VAV3: variants seen among roughly 807,000 people sequenced by gnomAD.
VAV3 encodes vav guanine nucleotide exchange factor 3.
A neutral mutation model predicts 131.2 loss-of-function variants in VAV3; 94 were observed. The ratio of observed to expected loss-of-function variants is 0.72; its 90% confidence interval spans 0.61 to 0.85. The LOEUF (loss-of-function observed/expected upper bound fraction) is 0.85. Ranked by LOEUF, VAV3 falls within the 40% of genes least tolerant of loss-of-function variation. VAV3 has a pLI of 0.00. For synonymous variants in VAV3, 349 were observed against 342.0 expected (o/e 1.02, Z -0.22); for missense variants, 939 against 1,002.7 (o/e 0.94, Z 0.86).
intron 20 of VAV3, among the ~76,000 whole-genome samples, chr1:107,620,346 C>T (rs1653472993): frequency 6.6e-6 from 1 of 152,068 alleles, no homozygotes; most frequent in Admixed American, 6.5e-5. Flanking sequence ...GATGGTGCTC[C>T]CATAAGATTA....
At chr1:107,711,987 C>A (rs567946689) in intron 15 of VAV3, among the ~76,000 whole-genome samples, 1 of 152,036 alleles carries the variant, frequency 6.6e-6, no homozygotes, top group African/African-American at 2.4e-5. Flanking sequence ...TGCCCGACAA[C>A]GCATTCAATA....
intron 15 of VAV3, among the ~76,000 whole-genome samples, chr1:107,722,249 CA>C (rs1240752987): frequency 6.6e-6 from 1 of 152,156 alleles, no homozygotes; most frequent in Admixed American, 6.5e-5. Context: ...CTTCCCCACT[CA>C]AAACTAATTA....
chr1:107,949,991 A>G (rs939025633), intron 1 of VAV3, among the ~76,000 whole-genome samples: 18 of 152,218 alleles, frequency 1.2e-4, no homozygotes, highest in Admixed American at 5.2e-4. Flanking sequence ...GCTTGCAAAA[A>G]TAAGCAGATG....
At chr1:107,896,928 G>A (rs1454637563) in intron 1 of VAV3, among the ~76,000 whole-genome samples, 1 of 152,050 alleles carries the variant, frequency 6.6e-6, no homozygotes, top group Non-Finnish European at 1.5e-5. Flanking sequence ...CCCCTCTCCA[G>A]AAATAGACAG....
At chr1:107,623,645 G>A (rs1292250736) in intron 20 of VAV3, among the ~76,000 whole-genome samples, 3 of 152,166 alleles carry the variant, frequency 2.0e-5, no homozygotes, top group Admixed American at 6.5e-5. Context: ...TTTTCTATCA[G>A]TGAACACTTT....
chr1:107,629,044 T>A (rs922363661), intron 20 of VAV3, among the ~76,000 whole-genome samples: 3 of 152,148 alleles, frequency 2.0e-5, no homozygotes, highest in African/African-American at 7.2e-5. Flanking sequence ...TTTTTGGCAC[T>A]GATTACAGTT....
intron 15 of VAV3, among the ~76,000 whole-genome samples, chr1:107,744,120 A>ACCAACAGGATAGTGCATCCTGGTC (rs1553199348): frequency 6.6e-6 from 1 of 152,206 alleles, no homozygotes; most frequent in Non-Finnish European, 1.5e-5. Context: ...GCTCCGGATG[A>ACCAACAGGATAGTGCATCCTGGTC]CCAACAGGAT....
intron 2 of VAV3, among the ~76,000 whole-genome samples, chr1:107,841,057 G>C (rs1668682741): frequency 6.6e-6 from 1 of 152,150 alleles, no homozygotes; most frequent in Non-Finnish European, 1.5e-5. Context: ...AGTGTGGTAG[G>C]GCAGAGTTGG....
chr1:107,624,531 CA>C (rs1191692695), intron 20 of VAV3, among the ~76,000 whole-genome samples: 3 of 152,042 alleles, frequency 2.0e-5, no homozygotes, highest in Admixed American at 2.0e-4. Context: ...TGGAAAGAAT[CA>C]GGTTCTACCA....
intron 15 of VAV3, among the ~76,000 whole-genome samples, chr1:107,730,665 C>T (rs887242380): frequency 6.6e-6 from 1 of 152,130 alleles, no homozygotes; most frequent in Admixed American, 6.5e-5. Context: ...CACAATGTTA[C>T]TTATTATTTG....
Position 107,715,402 on chromosome 1 carries a change from C to T in VAV3, c.1503-10341G>A, listed in dbSNP as rs569088425. Among the ~76,000 whole-genome samples, 26 of 152,236 alleles carry T rather than the reference C, an allele frequency of 1.7e-4. No homozygotes were observed. In the South Asian group the frequency reaches 3.3e-3, roughly 19 times the overall value. On this transcript the variant is annotated intron_variant, in intron 15 of 26. Coordinates refer to ENST00000370056, the MANE Select transcript of VAV3 (RefSeq NM_006113.5). ...AGCTAGAGGCCTCATCAAGGTAGAG[C>T]AGTATAAATGATCATCTATGTATTA...
At chr1:107,616,119 T>C (rs975943776) in intron 21 of VAV3, among the ~76,000 whole-genome samples, 5 of 152,148 alleles carry the variant, frequency 3.3e-5, no homozygotes, top group Non-Finnish European at 7.4e-5. Flanking sequence ...CAAAGAAATA[T>C]AAATTGTTCT....
intron 25 of VAV3, among the ~76,000 whole-genome samples, chr1:107,595,873 C>T (rs910276608): frequency 3.9e-5 from 6 of 152,142 alleles, no homozygotes; most frequent in Non-Finnish European, 7.4e-5. Flanking sequence ...ATTACTCAAA[C>T]AGAATTATGA....
chr1:107,693,728 C>A (rs1424335055), intron 17 of VAV3, among the ~76,000 whole-genome samples: 3 of 152,078 alleles, frequency 2.0e-5, no homozygotes, highest in Non-Finnish European at 4.4e-5. Flanking sequence ...TATTAAGTGC[C>A]ACTCCTCTGA....
intron 2 of VAV3, among the ~76,000 whole-genome samples, chr1:107,837,653 G>C (rs1346072996): frequency 1.3e-5 from 2 of 152,164 alleles, no homozygotes; most frequent in Non-Finnish European, 1.5e-5. Context: ...CAAGGCTACA[G>C]TAACCAAAAC....
At chr1:107,596,729 A>C (rs1651421914) in intron 24 of VAV3, among the ~76,000 whole-genome samples, 1 of 152,224 alleles carries the variant, frequency 6.6e-6, no homozygotes, top group Admixed American at 6.5e-5. Flanking sequence ...CTTGCTGAAT[A>C]TACAGCAATT....
intron 1 of VAV3, among the ~76,000 whole-genome samples, chr1:107,921,828 C>T (rs184514380): frequency 5.9e-5 from 9 of 152,200 alleles, no homozygotes; most frequent in African/African-American, 2.2e-4. Context: ...TTTTGATTTT[C>T]TTAATCTGTA....
chr1:107,724,495 T>C (rs557905463), intron 15 of VAV3, among the ~76,000 whole-genome samples: 3 of 152,338 alleles, frequency 2.0e-5, no homozygotes, highest in Non-Finnish European at 2.9e-5. Flanking sequence ...ACATGGCCTC[T>C]GGCCTTACAG....
chr1:107,578,712 C>A (rs759250936), intron 25 of VAV3: 102 of 954,000 alleles, frequency 1.1e-4, no homozygotes, highest in Admixed American at 5.6e-4. Context: ...GGGTTCACGC[C>A]ATTCTCCTGC....
Sources: gnomAD v4.1 joint callset for allele counts (sites outside exome capture counted in the v4.1 genomes callset) on GRCh38, gnomAD v4.1.1 for gene constraint, MANE v1.5 for transcripts, NCBI Gene and HGNC (gene_info 2026-07-23, HGNC 2026-07-21) for gene names.